The following SMCHD1 variants were observed in gnomAD, a reference collection of about 807,000 sequenced individuals.
The protein encoded by SMCHD1 is structural maintenance of chromosomes flexible hinge domain containing 1.
A neutral mutation model predicts 254.7 loss-of-function variants in SMCHD1; 78 were observed. The observed-to-expected ratio is 0.31, with a 90% confidence interval of 0.26 to 0.37. The LOEUF is 0.37. Ranked by LOEUF, SMCHD1 falls within the 10% of genes least tolerant of loss-of-function variation. The pLI is 1.00. For missense variants in SMCHD1, 1,840 were observed against 2,408.1 expected (o/e 0.76, Z 4.94); for synonymous variants, 766 against 794.9 (o/e 0.96, Z 0.61).
intron 42 of SMCHD1, among the ~76,000 whole-genome samples, chr18:2,777,056 A>ACCCCCCCCCCCCCCCCC (rs140799401): frequency 1.1e-5 from 1 of 90,630 alleles, no homozygotes; most frequent in Admixed American, 1.2e-4. Context: ...GGCATGCACC[A>ACCCCCCCCCCCCCCCCC]CCACCTCCCC....
rs1427732854 is a variant in SMCHD1 at position 2,775,843 on chromosome 18, G to T, written c.5285G>T (p.Arg1762Leu). The T allele has an allele frequency of 1.9e-6, 3 of 1,612,004 alleles. No individual in the cohort carries two copies. Among genetic ancestry groups the T allele is most frequent in the African/African-American group, 2.7e-5 (2 of 74,792 alleles). The change falls in exon 42 of 48, where the codon CGT (arginine) becomes CTT (leucine). Residue 1762 changes from arginine to leucine, a missense_variant. This residue lies in a region of SMCHD1 where 114 missense variants were observed against 217.6 expected (regional missense o/e 0.52). Coordinates refer to ENST00000320876, the MANE Select transcript of SMCHD1 (RefSeq NM_015295.3). ...VVTLTTDAARRIYDETQGRQQ... is the reference protein window; with the variant it reads ...VVTLTTDAARLIYDETQGRQQ... ...ACCCTAACCACTGACGCTGCACGTC[G>T]TATCTATGATGAAACCCAAGGTCGT... is the stretch of plus-strand genomic sequence containing the variant.
chr18:2,730,857 G>A (rs532344940), intron 24 of SMCHD1, among the ~76,000 whole-genome samples: 86 of 152,272 alleles, frequency 5.6e-4, no homozygotes, highest in African/African-American at 2.0e-3. Context: ...TAAGCTTAAA[G>A]TATTTTTTAT....
intron 41 of SMCHD1, 144 bp downstream of exon 41, chr18:2,772,516 T>A: frequency 3.3e-6 from 2 of 609,074 alleles, no homozygotes; most frequent in Non-Finnish European, 5.0e-6. Context: ...ATTATTGCAA[T>A]AGGGATTTGG....
At chr18:2,725,640 T>A (rs2075012961) in intron 21 of SMCHD1, among the ~76,000 whole-genome samples, 1 of 151,902 alleles carries the variant, frequency 6.6e-6, no homozygotes, top group Non-Finnish European at 1.5e-5. Flanking sequence ...TTTAAAAATT[T>A]TCCCTATCCG....
chr18:2,696,183 C>T (rs1035230756), intron 8 of SMCHD1, among the ~76,000 whole-genome samples: 1 of 152,032 alleles, frequency 6.6e-6, no homozygotes, highest in Non-Finnish European at 1.5e-5. Flanking sequence ...GTCAAACTTA[C>T]TAGTTTTGTT....
chr18:2,804,108 G>A lies in SMCHD1; in HGVS notation c.*1556G>A, dbSNP rs1247544309. On this transcript the variant is annotated 3_prime_UTR_variant, in exon 48 of 48. Transcript: ENST00000320876. ...ATTATATGAAAATGATTGATTGATA[G>A]GTAAGAAAGGTTAAAGAGAAATGAC... is the stretch of plus-strand genomic sequence containing the variant. The A allele has an allele frequency of 6.6e-6, 1 of 152,032 alleles. No homozygotes were observed. Among genetic ancestry groups the A allele is most frequent in the Non-Finnish European group, 1.5e-5 (1 of 68,006 alleles). The allele number at this position is 152,032 out of a possible 1,614,324, so 9.4% of individuals were successfully genotyped here.
chr18:2,752,136 T>C (rs1186205084), intron 33 of SMCHD1, among the ~76,000 whole-genome samples: 1 of 152,182 alleles, frequency 6.6e-6, no homozygotes, highest in Admixed American at 6.5e-5. Flanking sequence ...TCAACATTTA[T>C]GGTTCATTTT....
chr18:2,700,580 G>T lies in SMCHD1; in HGVS notation c.1384G>T (p.Glu462Ter). The change falls in exon 11 of 48, where the codon GAG becomes TAG. Residue 462 changes from glutamate (E) to a stop codon, truncating the protein, a stop_gained. Transcript: ENST00000320876. LOFTEE classifies it high-confidence loss of function. Reference sequence around the variant, plus strand: ...TGATGAAGATGATTGTTTCATACTTGAGAAAGCAGCTAGAGGGAAAAGGCC... The same window carrying T: ...TGATGAAGATGATTGTTTCATACTTTAGAAAGCAGCTAGAGGGAAAAGGCC... ...EDDEDDCFIL[E>*]KAARGKRPIF... 1 of 1,612,166 alleles carries T rather than the reference G, an allele frequency of 6.2e-7. No homozygotes were observed. Among genetic ancestry groups the T allele is most frequent in the South Asian group, 1.1e-5 (1 of 90,868 alleles).
In SMCHD1 at chr18:2,671,595, C is replaced by CTTTTT. The variant is rs760647745; in HGVS notation, c.425-1672_425-1668dup. ...TCAAGTTATGTTGATCTTTTCTTTTCTTTTTTTTTTTTTTTTTTGAGACAG... is the reference window on the plus strand; with the variant it reads ...TCAAGTTATGTTGATCTTTTCTTTTCTTTTTTTTTTTTTTTTTTTTTTTGAGACAG... On this transcript the variant is annotated intron_variant, in intron 3 of 47. Transcript: ENST00000320876. 5.8e-3 allele frequency among the ~76,000 whole-genome samples: 689 copies of CTTTTT among 119,448 alleles called. 6 individuals are homozygous for CTTTTT. The highest frequency in any genetic ancestry group is 0.013 in the African/African-American group (390 of 30,562). 78.4% of individuals were successfully genotyped at this position (119,448 alleles called of 152,430 possible). A position where few individuals can be genotyped will look rare whatever the true frequency, so the allele number is the denominator to read the frequency against.
Position 2,673,292 on chromosome 18 carries a change from G to C in SMCHD1, c.436G>C (p.Ala146Pro). 1 of 1,594,028 alleles carries C rather than the reference G, an allele frequency of 6.3e-7. No individual in the cohort carries two copies. The highest frequency in any genetic ancestry group is 1.7e-5 in the Admixed American group (1 of 59,192). ...EGQNPLPFAL[A>P]ELIDNSLSAT... is the part of the protein sequence containing the mutation. ...TTGATCTCTTGCAGCATTTGCTCTTGCGGAATTAATTGACAATTCATTGTC... is the reference window on the plus strand; with the variant it reads ...TTGATCTCTTGCAGCATTTGCTCTTCCGGAATTAATTGACAATTCATTGTC... Residue 146 changes from alanine to proline, a missense_variant, in exon 4 of 48, where the codon GCG becomes CCG. Ala to Pro is a conservative substitution (Grantham distance 27, BLOSUM62 -1). Transcript: ENST00000320876.
intron 15 of SMCHD1, among the ~76,000 whole-genome samples, chr18:2,706,971 A>G (rs2074529756): frequency 6.6e-6 from 1 of 152,138 alleles, no homozygotes; most frequent in Non-Finnish European, 1.5e-5. Context: ...GAAGAGAGAG[A>G]GAGGGAAGGG....
chr18:2,746,770 C>G (rs1251560067), intron 29 of SMCHD1, among the ~76,000 whole-genome samples: 1 of 152,130 alleles, frequency 6.6e-6, no homozygotes, highest in Non-Finnish European at 1.5e-5. Context: ...TAGTTCCCTT[C>G]CATCTTTTGT....
chr18:2,800,537 T>C (rs2143877844), intron 47 of SMCHD1: 1 of 152,278 alleles, frequency 6.6e-6, no homozygotes, highest in East Asian at 1.9e-4. Context: ...GGGGTCTTGC[T>C]GTGTTGACCA....
At chr18:2,777,069 C>CCT (rs1555653820) in intron 42 of SMCHD1, among the ~76,000 whole-genome samples, 7 of 148,556 alleles carry the variant, frequency 4.7e-5, no homozygotes, top group Admixed American at 1.3e-4. Context: ...ACCTCCCCCC[C>CCT]CCATACCCTA....
intron 29 of SMCHD1, among the ~76,000 whole-genome samples, chr18:2,744,158 A>C (rs1195638749): frequency 1.3e-5 from 2 of 152,190 alleles, no homozygotes; most frequent in African/African-American, 2.4e-5. Flanking sequence ...TCAGATCTTA[A>C]AAACTACATT....
intron 28 of SMCHD1, 30 bp from the exon 29 acceptor site, chr18:2,743,729 CCT>C (rs770128267): frequency 4.6e-6 from 7 of 1,535,232 alleles, no homozygotes; most frequent in South Asian, 3.7e-5. Flanking sequence ...AGTGATACCC[CCT>C]GTCTTTCTCA....
chr18:2,720,614 C>T (rs551016283), intron 19 of SMCHD1, among the ~76,000 whole-genome samples: 85 of 152,268 alleles, frequency 5.6e-4, no homozygotes, highest in Non-Finnish European at 1.1e-3. Context: ...CTTTCAGTCA[C>T]CTGCTAAAAG....
At chr18:2,756,300 G>A (rs182744431) in intron 34 of SMCHD1, among the ~76,000 whole-genome samples, 91 of 152,250 alleles carry the variant, frequency 6.0e-4, no homozygotes, top group Admixed American at 3.2e-3. Flanking sequence ...CATCTACCTT[G>A]ATCTTTGAAA....
At position 2,700,725 on chromosome 18, in the gene SMCHD1, T is replaced by G. The variant is rs745829955; in HGVS notation, c.1464-10T>G. 6.2e-7 allele frequency: 1 copy of G among 1,607,536 alleles called. No homozygotes were observed. ...ATTCTTTTACTAACTAACATTTTGT[T>G]CTGTTCAAGCTTTGACTGGTGTACT... On this transcript the variant is annotated splice_polypyrimidine_tract_variant and intron_variant, in intron 11 of 47. Coordinates refer to ENST00000320876, the MANE Select transcript of SMCHD1 (RefSeq NM_015295.3).
Sources: allele counts gnomAD v4.1 joint callset (sites outside exome capture counted in the v4.1 genomes callset), GRCh38; gene constraint gnomAD v4.1.1; regional missense constraint gnomAD v4.1.1; transcripts MANE v1.5; gene names NCBI Gene and HGNC (gene_info 2026-07-23, HGNC 2026-07-21).